TTYH3: variants seen among roughly 807,000 people sequenced by gnomAD.
TTYH3 encodes the protein protein tweety homolog 3.
In TTYH3, 23 loss-of-function variants were observed where a neutral mutation model predicts 68.2. The observed-to-expected ratio is 0.34, with a 90% confidence interval of 0.24 to 0.48. The LOEUF is 0.48. TTYH3 is among the 20% of genes least tolerant of loss of function. TTYH3 has a pLI of 0.99. For missense variants in TTYH3, 768 were observed against 727.7 expected, an observed-to-expected ratio of 1.06 and a Z score of -0.64; for synonymous variants, 360 against 332.8, an observed-to-expected ratio of 1.08 and a Z score of -0.89.
At chr7:2,659,471 G>C (rs1170635421) in intron 13 of TTYH3, among the ~76,000 whole-genome samples, 1 of 152,222 alleles carries the variant, frequency 6.6e-6, no homozygotes, top group Non-Finnish European at 1.5e-5. Flanking sequence ...AGTTCCCAGG[G>C]GCCCCGGCCC....
chr7:2,632,949 G>A (rs1785561121), intron 1 of TTYH3, among the ~76,000 whole-genome samples: 1 of 152,196 alleles, frequency 6.6e-6, no homozygotes, highest in South Asian at 2.1e-4. Flanking sequence ...GGGGGAGGGA[G>A]GCCCGGCGGC....
intron 7 of TTYH3, among the ~76,000 whole-genome samples, chr7:2,650,335 T>C (rs1482154990): frequency 3.3e-5 from 5 of 152,062 alleles, no homozygotes; most frequent in Non-Finnish European, 7.4e-5. Context: ...CCTAGCACTT[T>C]GGGAGGCCGA....
intron 1 of TTYH3, among the ~76,000 whole-genome samples, chr7:2,638,179 G>A (rs555119993): frequency 9.0e-4 from 137 of 152,218 alleles, no homozygotes; most frequent in African/African-American, 3.2e-3. Flanking sequence ...CCAGTCTGGC[G>A]GCTCCTGGCT....
intron 13 of TTYH3, chr7:2,660,045 T>G (rs561247704): frequency 8.7e-7 from 1 of 1,150,020 alleles, no homozygotes; most frequent in African/African-American, 4.1e-5. Flanking sequence ...CGACAGGTAC[T>G]GACCCACCGG....
rs141032902 is a variant in TTYH3, at chr7:2,645,426, G to A, written c.124-1427G>A. 2.1e-3 allele frequency: 344 copies of A among 167,804 alleles called. 1 individual carries two copies. Among genetic ancestry groups the A allele is most frequent in the African/African-American group, 7.6e-3 (320 of 42,096 alleles). The allele number at this position is 167,804 out of a possible 1,614,324, so 10.4% of individuals were successfully genotyped here. ...TGGGGCCACGTTACCCTCCCTCCCC[G>A]CAGCGGGTGCTGAGGAAATGTCACT... On this transcript the variant is annotated intron_variant, in intron 1 of 13. Coordinates refer to ENST00000258796, the MANE Select transcript of TTYH3 (RefSeq NM_025250.3). This position sits in a 1 kb window ranked among gnomAD's most constrained non-coding sequence, Gnocchi z 4.8.
chr7:2,640,987 A>AGGGG (rs1785826609), intron 1 of TTYH3, among the ~76,000 whole-genome samples: 1 of 152,198 alleles, frequency 6.6e-6, no homozygotes, highest in African/African-American at 2.4e-5. Flanking sequence ...TCCTGGGGAC[A>AGGGG]TCCTGGAGGA....
At position 2,645,177 on chromosome 7, in the gene TTYH3, GC is replaced by G. The variant is rs1562711188; in HGVS notation, c.124-1675del. On this transcript the variant is annotated intron_variant, in intron 1 of 13. Transcript: ENST00000258796. This position sits in a 1 kb window ranked among gnomAD's most constrained non-coding sequence, Gnocchi z 4.8. The stretch of plus-strand genomic sequence containing the variant: ...GTGGTCCCTGGCCCCATGATGAGGC[GC>G]AGCCCTGTATCAGCTCCCCATCCCT... Among the ~76,000 whole-genome samples, 1 of 152,212 alleles carries G rather than the reference GC, an allele frequency of 6.6e-6. No homozygotes were observed.
intron 11 of TTYH3, among the ~76,000 whole-genome samples, chr7:2,657,612 T>C (rs1383013156): frequency 6.6e-6 from 1 of 152,228 alleles, no homozygotes; most frequent in East Asian, 1.9e-4. Flanking sequence ...TTGTATGATG[T>C]GGGCAAGTCA....
intron 7 of TTYH3, 91 bp from the exon 8 acceptor site, chr7:2,652,096 C>G: frequency 8.9e-7 from 1 of 1,125,136 alleles, no homozygotes; most frequent in South Asian, 1.3e-5. Flanking sequence ...CGCAGATGCC[C>G]TGAAGATATG....
intron 9 of TTYH3, among the ~76,000 whole-genome samples, chr7:2,653,417 A>G (rs1301956314): frequency 2.0e-5 from 3 of 152,216 alleles, no homozygotes; most frequent in Non-Finnish European, 4.4e-5. Context: ...AAAAAAATTG[A>G]AGAAAATGGA....
intron 11 of TTYH3, 86 bp from the exon 12 acceptor site, chr7:2,658,200 G>A (rs1786388582): frequency 6.0e-6 from 8 of 1,339,596 alleles, no homozygotes; most frequent in Middle Eastern, 2.7e-4. Context: ...AGGAGTGTCT[G>A]TCTGCACCAG....
rs1786396530 is a variant in TTYH3, at chr7:2,658,364, G to A, written c.1329G>A (p.Met443Ile). The A allele has an allele frequency of 6.2e-7, 1 of 1,611,306 alleles. No individual in the cohort carries two copies. The highest frequency in any genetic ancestry group is 2.2e-5 in the East Asian group (1 of 44,838). Residue 443 changes from methionine to isoleucine, a missense_variant, in exon 12 of 14, where the codon ATG becomes ATA. Physicochemically the swap from Met to Ile is conservative, Grantham distance 10. Coordinates refer to ENST00000258796, the MANE Select transcript of TTYH3 (RefSeq NM_025250.3). ...ACGACAGCCTCTACCGCGTCCACATGCCCAGCCTGTACAGCTGTGGCAGCA... is the reference window on the plus strand; with the variant it reads ...ACGACAGCCTCTACCGCGTCCACATACCCAGCCTGTACAGCTGTGGCAGCA... ...QAHDSLYRVHMPSLYSCGSSY... is the reference protein window; with the variant it reads ...QAHDSLYRVHIPSLYSCGSSY...
intron 13 of TTYH3, chr7:2,660,120 C>T: frequency 5.7e-6 from 7 of 1,232,538 alleles, no homozygotes; most frequent in Non-Finnish European, 7.4e-6. Flanking sequence ...CTGCCGCCCT[C>T]CCGTCGGCAC....
Position 2,647,144 on chromosome 7 carries a change from C to T in TTYH3, c.296C>T (p.Ala99Val), listed in dbSNP as rs1194021079. 3 of 1,601,216 alleles carry T rather than the reference C, an allele frequency of 1.9e-6. No homozygotes were observed. Among genetic ancestry groups the T allele is most frequent in the Admixed American group, 1.7e-5 (1 of 58,628 alleles). Residue 99 changes from alanine to valine, a missense_variant and splice_region_variant, in exon 3 of 14, where the codon GCC becomes GTC. Coordinates refer to ENST00000258796, the MANE Select transcript of TTYH3 (RefSeq NM_025250.3). ...TCTCACGGGCCCGCCCTCTCCAGCG[C>T]CGGCATCGCAGTGGGATTCTACGGC... ...CVIIATLVCS[A>V]GIAVGFYGNG... is the part of the protein sequence containing the mutation.
At chr7:2,648,897 T>TGGGGCCC (rs1786077130) in intron 5 of TTYH3, among the ~76,000 whole-genome samples, 4 of 57,684 alleles carry the variant, frequency 6.9e-5, no homozygotes, top group African/African-American at 2.3e-4. Flanking sequence ...CAGTGGGGTG[T>TGGGGCCC]GCAGGCCTGC....
Position 2,647,186 on chromosome 7 carries a change from A to AT in TTYH3, c.339dup (p.Gly114TrpfsTer4). On this transcript the variant is annotated frameshift_variant, in exon 3 of 14. Coordinates refer to ENST00000258796, the MANE Select transcript of TTYH3 (RefSeq NM_025250.3). LOFTEE classifies it high-confidence loss of function. Reference sequence around the variant, plus strand: ...TTCTACGGCAACGGGGAGACCAGTGATGGCATCCATAGGGCCACCTACTCG... The same window carrying AT: ...TTCTACGGCAACGGGGAGACCAGTGATTGGCATCCATAGGGCCACCTACTCG... The AT allele has an allele frequency of 6.2e-7, 1 of 1,606,988 alleles. No individual in the cohort carries two copies. The highest frequency in any genetic ancestry group is 8.5e-7 in the Non-Finnish European group (1 of 1,178,208).
At position 2,663,384 on chromosome 7, in the gene TTYH3, C is replaced by G. The variant is rs1260405327; in HGVS notation, c.*1645C>G. On this transcript the variant is annotated 3_prime_UTR_variant, in exon 14 of 14. Coordinates refer to ENST00000258796, the MANE Select transcript of TTYH3 (RefSeq NM_025250.3). ...CCCTGGCCTTCCTCTGTGAACCCCT[C>G]CTTTCTTTGTGCTGGTGTCTGGGAC... 1.3e-5 allele frequency: 2 copies of G among 152,842 alleles called. No homozygotes were observed. Among genetic ancestry groups the G allele is most frequent in the African/African-American group, 4.8e-5 (2 of 41,458 alleles). The allele number at this position is 152,842 out of a possible 1,614,324, so 9.5% of individuals were successfully genotyped here.
chr7:2,656,045 C>A, intron 9 of TTYH3, 47 bp from the exon 10 acceptor site: 1 of 1,440,980 alleles, frequency 6.9e-7, no homozygotes, highest in Non-Finnish European at 9.5e-7. Context: ...GGCTCGAGGT[C>A]CCCCGTCCAA....
rs1057422744 is a variant in TTYH3 at position 2,661,934 on chromosome 7, G to T, written c.*195G>T. Reference sequence around the variant, plus strand: ...GACGCAGGGGCTCTGGGCCCGTACCGCCAACTCGGGTCACACCTGAACGCT... The same window carrying T: ...GACGCAGGGGCTCTGGGCCCGTACCTCCAACTCGGGTCACACCTGAACGCT... On this transcript the variant is annotated 3_prime_UTR_variant, in exon 14 of 14. Transcript: ENST00000258796. 5 of 639,458 alleles carry T rather than the reference G, an allele frequency of 7.8e-6. No homozygotes were observed. Among genetic ancestry groups the T allele is most frequent in the Non-Finnish European group, 1.4e-5 (5 of 364,804 alleles). The allele number at this position is 639,458 out of a possible 1,614,324, so 39.6% of individuals were successfully genotyped here.
Sources: gnomAD v4.1 joint callset for allele counts (sites outside exome capture counted in the v4.1 genomes callset) on GRCh38, gnomAD v4.1.1 for gene constraint, Gnocchi (gnomAD v3.1) non-coding constraint, MANE v1.5 for transcripts, NCBI Gene and HGNC (gene_info 2026-07-23, HGNC 2026-07-21) for gene names.